ZNF804B: variants seen among roughly 807,000 people sequenced by gnomAD.
ZNF804B encodes zinc finger protein 804B.
ZNF804B carries 80 observed loss-of-function variants against 101.4 expected under a neutral mutation model. The ratio of observed to expected loss-of-function variants is 0.79; its 90% CI spans 0.66 to 0.95. ZNF804B has a LOEUF of 0.95. Ranked by LOEUF, ZNF804B falls within the 40% of genes least tolerant of loss-of-function variation. The probability of loss-of-function intolerance (pLI) is 0.00; values close to 1 mark genes in which losing one functional copy is unlikely to be tolerated. For missense variants in ZNF804B, 1,673 were observed against 1,561.9 expected (o/e 1.07, Z -1.20); for synonymous variants, 622 against 558.8 (o/e 1.11, Z -1.59).
chr7:88,854,394 T>TCTTTCTTTCTTTCTTC (rs1791497771), intron 1 of ZNF804B, among the ~76,000 whole-genome samples: 6 of 139,198 alleles, frequency 4.3e-5, no homozygotes, highest in South Asian at 2.3e-4. Context: ...TGCATTTCTT[T>TCTTTCTTTCTTTCTTC]CTTTCTTTCT....
intron 1 of ZNF804B, among the ~76,000 whole-genome samples, chr7:89,129,340 C>T (rs534301146): frequency 6.6e-6 from 1 of 152,050 alleles, no homozygotes; most frequent in South Asian, 2.1e-4. Context: ...AGTATGGCTT[C>T]CAGTAAGTCC....
In ZNF804B at chr7:88,854,537, T is replaced by TTCCTTCCCTTCCCTTC. The variant is rs774304273; in HGVS notation, c.108+94453_108+94454insTCCTTCCCTTCCCTTC. On this transcript the variant is annotated intron_variant, in intron 1 of 3. Coordinates refer to ENST00000333190, the MANE Select transcript of ZNF804B (RefSeq NM_181646.5). ...CTTTCCTTTCCTTCCTTTCCTTCCT[T>TTCCTTCCCTTCCCTTC]CCTTCCTTCCTTCCTTCCTTCCTTC... 1.2e-4 allele frequency among the ~76,000 whole-genome samples: 11 copies of TTCCTTCCCTTCCCTTC among 95,184 alleles called. No homozygotes were observed. The East Asian group carries it at 2.3e-3, about 20-fold the overall frequency. 62.4% of individuals were successfully genotyped at this position (95,184 alleles called of 152,430 possible). A position where few individuals can be genotyped will look rare whatever the true frequency, so the allele number is the denominator to read the frequency against.
chr7:88,825,824 C>T (rs995443348), intron 1 of ZNF804B, among the ~76,000 whole-genome samples: 19 of 152,256 alleles, frequency 1.2e-4, no homozygotes, highest in African/African-American at 4.6e-4. Flanking sequence ...CTGTCTCATC[C>T]AATATCCACC....
At chr7:88,901,403 C>T (rs1792388068) in intron 1 of ZNF804B, among the ~76,000 whole-genome samples, 1 of 151,886 alleles carries the variant, frequency 6.6e-6, no homozygotes, top group Non-Finnish European at 1.5e-5. Flanking sequence ...AAATTCACCA[C>T]ATCTTAGGAT....
chr7:89,252,968 T>C (rs1011314552), intron 2 of ZNF804B, among the ~76,000 whole-genome samples: 1 of 152,162 alleles, frequency 6.6e-6, no homozygotes, highest in Non-Finnish European at 1.5e-5. Flanking sequence ...AAACCTCATG[T>C]GTCAGATATT....
chr7:88,954,679 T>C lies in ZNF804B; in HGVS notation c.108+194595T>C, dbSNP rs191866821. Among the ~76,000 whole-genome samples the C allele has an allele frequency of 3.8e-3, 571 of 151,556 alleles. 5 individuals carry two copies. The highest frequency in any genetic ancestry group is 0.013 in the African/African-American group (544 of 41,414). On this transcript the variant is annotated intron_variant, in intron 1 of 3. Coordinates refer to ENST00000333190, the MANE Select transcript of ZNF804B (RefSeq NM_181646.5). ...AAGGGGCAACATTTAAAATGTGTGG[T>C]TTTGGGGTCACCTGTTAAGGTATCT...
intron 1 of ZNF804B, among the ~76,000 whole-genome samples, chr7:89,147,239 C>T (rs576460037): frequency 2.0e-5 from 3 of 151,992 alleles, no homozygotes; most frequent in Admixed American, 6.6e-5. Flanking sequence ...ATTACAGCTA[C>T]GCTGTGAGTA....
chr7:88,762,265 A>G (rs973167999), intron 1 of ZNF804B, among the ~76,000 whole-genome samples: 5 of 152,198 alleles, frequency 3.3e-5, no homozygotes, highest in African/African-American at 9.7e-5. Flanking sequence ...TGGAATTTGC[A>G]TGGCTTTTTC....
intron 1 of ZNF804B, among the ~76,000 whole-genome samples, chr7:88,919,835 T>C (rs1257781418): frequency 1.3e-5 from 2 of 152,136 alleles, no homozygotes; most frequent in African/African-American, 4.8e-5. Context: ...TGACCTCTTA[T>C]ATCCTAATCA....
intron 1 of ZNF804B, among the ~76,000 whole-genome samples, chr7:89,070,946 G>T (rs560396735): frequency 2.0e-5 from 3 of 152,010 alleles, no homozygotes; most frequent in African/African-American, 7.2e-5. Flanking sequence ...GAGGAGTGGG[G>T]GATTGATTCC....
intron 1 of ZNF804B, among the ~76,000 whole-genome samples, chr7:88,932,918 A>C (rs1792909721): frequency 6.6e-6 from 1 of 151,834 alleles, no homozygotes; most frequent in Admixed American, 6.6e-5. Flanking sequence ...CCAAAAGATA[A>C]AGAGGGAATC....
intron 2 of ZNF804B, among the ~76,000 whole-genome samples, chr7:89,252,136 A>G (rs1789550989): frequency 6.6e-6 from 1 of 152,190 alleles, no homozygotes; most frequent in African/African-American, 2.4e-5. Flanking sequence ...AGAATGAGAG[A>G]AAGTATTCGC....
At chr7:89,026,923 G>A (rs1788760972) in intron 1 of ZNF804B, among the ~76,000 whole-genome samples, 1 of 152,092 alleles carries the variant, frequency 6.6e-6, no homozygotes, top group African/African-American at 2.4e-5. Context: ...GAAATCTTTA[G>A]CATAAAGATA....
intron 1 of ZNF804B, among the ~76,000 whole-genome samples, chr7:88,949,653 A>T (rs554803337): frequency 6.6e-6 from 1 of 152,106 alleles, no homozygotes; most frequent in East Asian, 2.0e-4. Context: ...ATACTATTAT[A>T]AATGGTGCTT....
At chr7:88,855,380 C>G (rs1459659992) in intron 1 of ZNF804B, among the ~76,000 whole-genome samples, 1 of 149,732 alleles carries the variant, frequency 6.7e-6, no homozygotes, top group Non-Finnish European at 1.5e-5. Context: ...TTTCATGTGT[C>G]TGTTGGCTGC....
At chr7:89,292,034 A>G (rs970485502) in intron 2 of ZNF804B, among the ~76,000 whole-genome samples, 1 of 152,134 alleles carries the variant, frequency 6.6e-6, no homozygotes, top group Non-Finnish European at 1.5e-5. Context: ...AGAGTAAAAA[A>G]TTCCTAGTGA....
At chr7:89,314,757 G>A (rs530165599) in intron 2 of ZNF804B, among the ~76,000 whole-genome samples, 10 of 152,176 alleles carry the variant, frequency 6.6e-5, no homozygotes, top group East Asian at 1.9e-4. Flanking sequence ...ATATAAACTC[G>A]GATCTGCCTG....
intron 1 of ZNF804B, among the ~76,000 whole-genome samples, chr7:89,032,732 G>A (rs1179513652): frequency 6.6e-6 from 1 of 152,016 alleles, no homozygotes; most frequent in East Asian, 1.9e-4. Context: ...GTAGGAGGTA[G>A]GCACATAGGG....
At chr7:89,326,011 C>T (rs1416151828) in intron 2 of ZNF804B, among the ~76,000 whole-genome samples, 1 of 152,006 alleles carries the variant, frequency 6.6e-6, no homozygotes, top group Non-Finnish European at 1.5e-5. Context: ...GCCTTTCTTC[C>T]TGTCTTCTGA....
Sources: allele counts gnomAD v4.1 joint callset (sites outside exome capture counted in the v4.1 genomes callset), GRCh38; gene constraint gnomAD v4.1.1; transcripts MANE v1.5; gene names NCBI Gene and HGNC (gene_info 2026-07-23, HGNC 2026-07-21).